UBQLN1: variants seen among roughly 807,000 people sequenced by gnomAD.
UBQLN1 encodes the protein ubiquilin-1.
Under a neutral mutation model 65.4 loss-of-function variants are expected in UBQLN1, and 13 were observed. The ratio of observed to expected loss-of-function variants is 0.20; its 90% CI spans 0.13 to 0.32. UBQLN1 has a LOEUF of 0.32. UBQLN1 is among the 10% of genes least tolerant of loss of function. The pLI, the probability that UBQLN1 is intolerant of heterozygous loss-of-function variation, is 1.00. For synonymous variants in UBQLN1, 267 were observed against 247.8 expected, an observed-to-expected ratio of 1.08 and a Z score of -0.73; for missense variants, 561 against 724.0, an observed-to-expected ratio of 0.77 and a Z score of 2.58.
chr9:83,661,980 C>G (rs1831566369), intron 10 of UBQLN1, 41 bp from the exon 11 acceptor site: 1 of 1,573,516 alleles, frequency 6.4e-7, no homozygotes, highest in African/African-American at 1.4e-5. Context: ...CTAAAGGAAG[C>G]CAGTCCCTGC....
intron 6 of UBQLN1, among the ~76,000 whole-genome samples, chr9:83,675,167 A>C (rs1831810322): frequency 6.6e-6 from 1 of 152,176 alleles, no homozygotes; most frequent in East Asian, 1.9e-4. Context: ...GCCTAACCAC[A>C]CAGAAGGTTG....
In UBQLN1 at chr9:83,707,667, C is replaced by T. The variant is rs753981656; in HGVS notation, c.13G>A (p.Gly5Ser). The T allele has an allele frequency of 5.2e-6, 8 of 1,551,532 alleles. No individual in the cohort carries two copies. The highest frequency in any genetic ancestry group is 7.0e-6 in the Non-Finnish European group (8 of 1,150,880). ...GAGCCCGGAGGACCGCCGCTTTCAC[C>T]ACTCTCGGCCATGGCTGTGGCGGCG... MAESGESGGPPGSQD... is the reference protein window; with the variant it reads MAESSESGGPPGSQD... The change falls in exon 1 of 11, where the codon GGT becomes AGT. Residue 5 changes from glycine (G) to serine (S), a missense_variant. Gly to Ser is a moderately conservative substitution (Grantham distance 56, BLOSUM62 0). Around this residue, in one of 8 missense-constraint regions of UBQLN1, gnomAD observed 101 missense variants for 104.9 expected, o/e 0.96. Coordinates refer to ENST00000376395, the MANE Select transcript of UBQLN1 (RefSeq NM_013438.5).
chr9:83,670,524 G>C (rs1831712106), intron 6 of UBQLN1, among the ~76,000 whole-genome samples: 1 of 151,890 alleles, frequency 6.6e-6, no homozygotes, highest in South Asian at 2.1e-4. Context: ...AGTCTATTAA[G>C]TATGCCACAG....
chr9:83,682,152 G>A (rs570924454), intron 3 of UBQLN1, among the ~76,000 whole-genome samples: 26 of 152,142 alleles, frequency 1.7e-4, no homozygotes, highest in Non-Finnish European at 2.8e-4. Context: ...GGGCGTAGTG[G>A]CACACTCCTA....
intron 3 of UBQLN1, 127 bp downstream of exon 3, chr9:83,682,824 G>GTTTTT: frequency 2.4e-6 from 1 of 413,784 alleles, no homozygotes; most frequent in African/African-American, 2.1e-5. Flanking sequence ...AGGAATGTAT[G>GTTTTT]TTTTTTTTTT....
At chr9:83,674,000 T>TGTTG (rs1184500690) in intron 6 of UBQLN1, among the ~76,000 whole-genome samples, 3 of 152,084 alleles carry the variant, frequency 2.0e-5, no homozygotes, top group Non-Finnish European at 4.4e-5. Flanking sequence ...GGTTTCACCA[T>TGTTG]GTTGGCTAGG....
intron 1 of UBQLN1, among the ~76,000 whole-genome samples, chr9:83,690,806 T>C (rs1254213383): frequency 6.6e-6 from 1 of 151,510 alleles, no homozygotes; most frequent in Non-Finnish European, 1.5e-5. Context: ...CTCCTTAGTA[T>C]TTCAATTTCA....
At chr9:83,685,215 C>T (rs567292741) in intron 2 of UBQLN1, among the ~76,000 whole-genome samples, 2 of 152,240 alleles carry the variant, frequency 1.3e-5, no homozygotes, top group African/African-American at 4.8e-5. Flanking sequence ...TAAAAACTTA[C>T]AGGAGTGTTA....
intron 7 of UBQLN1, chr9:83,667,496 T>C (rs1449834092): frequency 5.1e-6 from 5 of 985,284 alleles, no homozygotes; most frequent in African/African-American, 3.5e-5. Flanking sequence ...CAAAAGCAGA[T>C]GTCAGACAAC....
At chr9:83,663,199 G>C (rs538539974) in intron 10 of UBQLN1, among the ~76,000 whole-genome samples, 1 of 151,536 alleles carries the variant, frequency 6.6e-6, no homozygotes, top group Non-Finnish European at 1.5e-5. Flanking sequence ...GAAAGGGAAA[G>C]AAAAAAGAAA....
At chr9:83,675,605 A>G (rs1294560097) in intron 6 of UBQLN1, among the ~76,000 whole-genome samples, 2 of 152,246 alleles carry the variant, frequency 1.3e-5, no homozygotes, top group Non-Finnish European at 2.9e-5. Context: ...AAGTTCACTT[A>G]ACTGTGCAAT....
chr9:83,696,635 T>C (rs1458875409), intron 1 of UBQLN1, among the ~76,000 whole-genome samples: 1 of 83,468 alleles, frequency 1.2e-5, no homozygotes, highest in African/African-American at 4.1e-5. Flanking sequence ...CAAGATTCTG[T>C]CTAAAAAAGG....
In UBQLN1 at chr9:83,701,052, C is replaced by T. The variant is rs1353618040; in HGVS notation, c.180+6448G>A. On this transcript the variant is annotated intron_variant, in intron 1 of 10. Transcript: ENST00000376395. ...GAGCCACTACCCGATATTTTAAGTACGTAATCTATAAAATACGCCACCACA... is the reference window on the plus strand; with the variant it reads ...GAGCCACTACCCGATATTTTAAGTATGTAATCTATAAAATACGCCACCACA... Among the ~76,000 whole-genome samples, 5 of 152,098 alleles carry T rather than the reference C, an allele frequency of 3.3e-5. No individual in the cohort carries two copies. In the East Asian group the frequency reaches 7.7e-4, roughly 23 times the overall value.
intron 7 of UBQLN1, chr9:83,668,274 T>C: frequency 1.0e-6 from 1 of 984,586 alleles, no homozygotes. Context: ...TCAATATAGT[T>C]TTAGAATTTA....
intron 6 of UBQLN1, among the ~76,000 whole-genome samples, chr9:83,671,234 C>T (rs1363807488): frequency 2.0e-5 from 3 of 152,204 alleles, no homozygotes; most frequent in Admixed American, 6.5e-5. Flanking sequence ...AGGGACAGAA[C>T]AAACTTCTTC....
chr9:83,698,584 G>C (rs952177744), intron 1 of UBQLN1, among the ~76,000 whole-genome samples: 10 of 152,112 alleles, frequency 6.6e-5, no homozygotes, highest in Admixed American at 1.3e-4. Flanking sequence ...TTAAAATGTG[G>C]TACATACATA....
intron 1 of UBQLN1, among the ~76,000 whole-genome samples, chr9:83,701,760 C>T (rs1345842602): frequency 1.3e-5 from 2 of 151,842 alleles, no homozygotes; most frequent in African/African-American, 4.8e-5. Context: ...AATTTGGCAG[C>T]TCCTCATAAA....
chr9:83,674,989 A>T (rs1831806802), intron 6 of UBQLN1, among the ~76,000 whole-genome samples: 2 of 152,226 alleles, frequency 1.3e-5, no homozygotes, highest in Non-Finnish European at 1.5e-5. Flanking sequence ...TAAGGTATTT[A>T]AAGACTATAG....
intron 7 of UBQLN1, chr9:83,666,727 T>C (rs981378215): frequency 1.5e-5 from 4 of 259,242 alleles, no homozygotes; most frequent in African/African-American, 8.7e-5. Context: ...TGAACAAACG[T>C]GAATATATGC....
Sources: allele counts gnomAD v4.1 joint callset (sites outside exome capture counted in the v4.1 genomes callset), GRCh38; gene constraint gnomAD v4.1.1; regional missense constraint gnomAD v4.1.1; transcripts MANE v1.5; gene names NCBI Gene and HGNC (gene_info 2026-07-23, HGNC 2026-07-21).